CCSER1: variants seen among roughly 807,000 people sequenced by gnomAD.
CCSER1 encodes the protein serine-rich coiled-coil domain-containing protein 1.
Under a neutral mutation model 82.0 loss-of-function variants are expected in CCSER1, and 41 were observed. That is an observed-to-expected ratio of 0.50 (90% CI 0.39 to 0.65). CCSER1 has a LOEUF of 0.65. Among genes scored for constraint, CCSER1 ranks in the 30% least tolerant of loss-of-function variants. The pLI is 0.00. For synonymous variants in CCSER1, 414 were observed against 383.9 expected, an observed-to-expected ratio of 1.08 and a Z score of -0.92; for missense variants, 1,119 against 1,064.2, an observed-to-expected ratio of 1.05 and a Z score of -0.72.
intron 10 of CCSER1, among the ~76,000 whole-genome samples, chr4:91,358,635 C>G (rs1749030826): frequency 1.3e-5 from 2 of 152,136 alleles, no homozygotes; most frequent in African/African-American, 2.4e-5. Context: ...TGTGGGTGAT[C>G]AGGCCACGCT....
At chr4:90,774,957 G>A (rs1051755620) in intron 7 of CCSER1, among the ~76,000 whole-genome samples, 1 of 152,044 alleles carries the variant, frequency 6.6e-6, no homozygotes, top group Admixed American at 6.6e-5. Context: ...CAGACTTAAG[G>A]ATTTAAGTTA....
At chr4:90,829,363 T>G (rs1760856709) in intron 8 of CCSER1, among the ~76,000 whole-genome samples, 2 of 151,992 alleles carry the variant, frequency 1.3e-5, no homozygotes, top group South Asian at 4.2e-4. Context: ...TAATAGAAAA[T>G]AGCTATGGGT....
intron 1 of CCSER1, among the ~76,000 whole-genome samples, chr4:90,230,181 C>A (rs1744168343): frequency 2.6e-5 from 4 of 151,926 alleles, no homozygotes; most frequent in Non-Finnish European, 2.9e-5. Context: ...TTTTTCAGCA[C>A]CACACCACAC....
intron 3 of CCSER1, among the ~76,000 whole-genome samples, chr4:90,391,254 C>G (rs1578236961): frequency 9.4e-6 from 1 of 106,710 alleles, no homozygotes; most frequent in Non-Finnish European, 1.7e-5. Flanking sequence ...GCCTGGGCGA[C>G]AGAGCAAGAC....
At chr4:90,335,184 G>A (rs1006381146) in intron 3 of CCSER1, among the ~76,000 whole-genome samples, 16 of 152,148 alleles carry the variant, frequency 1.1e-4, no homozygotes, top group African/African-American at 3.6e-4. Flanking sequence ...GATGCAGTTG[G>A]CATGAGCTGA....
intron 5 of CCSER1, among the ~76,000 whole-genome samples, chr4:90,542,488 AC>A (rs1392635485): frequency 3.3e-5 from 5 of 152,136 alleles, no homozygotes; most frequent in African/African-American, 4.8e-5. Context: ...AGCTTCATGC[AC>A]CGCAATCAAG....
chr4:90,289,794 C>T (rs1459463466), intron 1 of CCSER1, among the ~76,000 whole-genome samples: 4 of 151,724 alleles, frequency 2.6e-5, no homozygotes, highest in Non-Finnish European at 5.9e-5. Context: ...TCCTTTGCTT[C>T]CCTTTATGTT....
At chr4:91,203,804 C>G (rs1431205518) in intron 10 of CCSER1, among the ~76,000 whole-genome samples, 1 of 151,700 alleles carries the variant, frequency 6.6e-6, no homozygotes, top group Non-Finnish European at 1.5e-5. Flanking sequence ...ATACTAGTTT[C>G]TATAGTCTAC....
chr4:90,895,499 A>T (rs1723571275), intron 8 of CCSER1, among the ~76,000 whole-genome samples: 1 of 151,948 alleles, frequency 6.6e-6, no homozygotes. Context: ...TGCCTTAAGC[A>T]CCTCTTTCAA....
At chr4:91,371,512 T>A (rs1255529136) in intron 10 of CCSER1, among the ~76,000 whole-genome samples, 1 of 152,226 alleles carries the variant, frequency 6.6e-6, no homozygotes, top group Non-Finnish European at 1.5e-5. Context: ...GGTTCTCTTA[T>A]TTTTTAATTG....
intron 3 of CCSER1, among the ~76,000 whole-genome samples, chr4:90,388,606 G>A (rs1040463247): frequency 4.0e-5 from 6 of 150,324 alleles, no homozygotes; most frequent in African/African-American, 9.8e-5. Flanking sequence ...CACCACGCCC[G>A]GCCCATTTGA....
intron 5 of CCSER1, among the ~76,000 whole-genome samples, chr4:90,560,476 G>A (rs1778638098): frequency 1.3e-5 from 2 of 152,036 alleles, no homozygotes; most frequent in Admixed American, 1.3e-4. Context: ...ACCTTGATGG[G>A]CTGCCTGCAA....
intron 5 of CCSER1, among the ~76,000 whole-genome samples, chr4:90,484,622 T>C (rs1005370691): frequency 6.6e-6 from 1 of 152,154 alleles, no homozygotes; most frequent in African/African-American, 2.4e-5. Context: ...TCTGTTGGAG[T>C]TTACTGGAGG....
At chr4:90,889,767 T>C (rs776760221) in intron 8 of CCSER1, among the ~76,000 whole-genome samples, 42 of 152,290 alleles carry the variant, frequency 2.8e-4, no homozygotes, top group Non-Finnish European at 4.4e-5. Flanking sequence ...TGTCATACAT[T>C]CTAACAAGAT....
chr4:91,091,877 T>C (rs181545052), intron 10 of CCSER1, among the ~76,000 whole-genome samples: 1 of 152,360 alleles, frequency 6.6e-6, no homozygotes, highest in Non-Finnish European at 1.5e-5. Context: ...ATAAGCTGAC[T>C]GAGCACCTCT....
intron 10 of CCSER1, among the ~76,000 whole-genome samples, chr4:91,371,791 A>G (rs577960774): frequency 2.0e-5 from 3 of 152,186 alleles, no homozygotes; most frequent in Non-Finnish European, 4.4e-5. Flanking sequence ...TTTTGTACCT[A>G]AAGAAGAAAC....
intron 8 of CCSER1, among the ~76,000 whole-genome samples, chr4:90,833,343 TA>T (rs1192954989): frequency 1.1e-4 from 16 of 152,174 alleles, no homozygotes; most frequent in African/African-American, 3.6e-4. Context: ...CCTCACCTCT[TA>T]ATAGAGTTGC....
intron 4 of CCSER1, among the ~76,000 whole-genome samples, chr4:90,458,906 C>A (rs1762519843): frequency 6.6e-6 from 1 of 152,192 alleles, no homozygotes; most frequent in South Asian, 2.1e-4. Context: ...TCTGCTCTAA[C>A]TGGTGGCTGT....
chr4:90,895,798 A>G (rs1354454006), intron 8 of CCSER1, among the ~76,000 whole-genome samples: 1 of 151,948 alleles, frequency 6.6e-6, no homozygotes, highest in African/African-American at 2.4e-5. Flanking sequence ...CCTGGAGAGT[A>G]GTATATCATA....
Sources: allele counts gnomAD v4.1 joint callset (sites outside exome capture counted in the v4.1 genomes callset), GRCh38; gene constraint gnomAD v4.1.1; transcripts MANE v1.5; gene names NCBI Gene and HGNC (gene_info 2026-07-23, HGNC 2026-07-21).